The following FER variants were observed in gnomAD, a reference collection of about 807,000 sequenced individuals.
FER encodes the protein tyrosine-protein kinase Fer.
In FER, 63 loss-of-function variants were observed where a neutral mutation model predicts 111.0. That is an observed-to-expected ratio of 0.57 (90% CI 0.46 to 0.70). The LOEUF (loss-of-function observed/expected upper bound fraction) is 0.70, where lower values mean the gene tolerates loss of function less well. Among genes scored for constraint, FER ranks in the 30% least tolerant of loss-of-function variants. FER has a pLI of 0.00. For synonymous variants in FER, 327 were observed against 313.9 expected (o/e 1.04, Z -0.44); for missense variants, 914 against 954.0 (o/e 0.96, Z 0.55).
At chr5:109,063,094 C>T (rs1401754797) in intron 16 of FER, among the ~76,000 whole-genome samples, 1 of 150,322 alleles carries the variant, frequency 6.7e-6, no homozygotes, top group Non-Finnish European at 1.5e-5. Flanking sequence ...GAAATCTAGA[C>T]ATGATTATTT....
chr5:109,154,936 G>C (rs1227005255), intron 17 of FER, among the ~76,000 whole-genome samples: 1 of 151,808 alleles, frequency 6.6e-6, no homozygotes, highest in Non-Finnish European at 1.5e-5. Flanking sequence ...TATCTTTTAT[G>C]AGTCCTATAA....
At chr5:108,757,764 C>T (rs1239479465) in intron 1 of FER, among the ~76,000 whole-genome samples, 1 of 152,162 alleles carries the variant, frequency 6.6e-6, no homozygotes, top group Admixed American at 6.6e-5. Context: ...ATAGTTCTGA[C>T]AAATATCTTA....
chr5:109,049,845 T>C (rs1330221359), intron 16 of FER, among the ~76,000 whole-genome samples: 2 of 152,234 alleles, frequency 1.3e-5, no homozygotes, highest in Non-Finnish European at 2.9e-5. Flanking sequence ...CAGCATATAG[T>C]TCAAATAAAT....
At chr5:108,945,511 G>T (rs1033652000) in intron 10 of FER, among the ~76,000 whole-genome samples, 1 of 151,894 alleles carries the variant, frequency 6.6e-6, no homozygotes, top group Non-Finnish European at 1.5e-5. Context: ...ATCTGGATTT[G>T]GTAGGATTGG....
chr5:108,784,212 G>A (rs1754412152), intron 2 of FER: 1 of 153,258 alleles, frequency 6.5e-6, no homozygotes, highest in Non-Finnish European at 1.5e-5. Flanking sequence ...CAAGACAAGA[G>A]CATCATTACG....
intron 9 of FER, among the ~76,000 whole-genome samples, chr5:108,892,487 A>T (rs1185226431): frequency 2.6e-5 from 4 of 152,012 alleles, no homozygotes; most frequent in Non-Finnish European, 5.9e-5. Context: ...GTCTGTTCAT[A>T]TCCTTCACCC....
intron 9 of FER, among the ~76,000 whole-genome samples, chr5:108,896,782 A>T (rs756318681): frequency 1.3e-5 from 2 of 152,228 alleles, no homozygotes; most frequent in Admixed American, 1.3e-4. Context: ...ATTTAAGAAG[A>T]TAGTATTTTC....
intron 18 of FER, among the ~76,000 whole-genome samples, chr5:109,183,301 C>T (rs1005112021): frequency 4.6e-5 from 6 of 130,484 alleles, no homozygotes; most frequent in Non-Finnish European, 9.3e-5. Context: ...CAGGCTGGAG[C>T]GCAGCAGCGC....
Position 109,188,403 on chromosome 5 carries a change from A to ACAC in FER, c.*828_*829insCAC, listed in dbSNP as rs1562011110. ...TGTCTCTACCAAAAAAAAAAAAAGA[A>ACAC]ACACACACACAACGCATGAAACGTC... is the stretch of plus-strand genomic sequence containing the variant. On this transcript the variant is annotated 3_prime_UTR_variant, in exon 20 of 20. Coordinates refer to ENST00000281092, the MANE Select transcript of FER (RefSeq NM_005246.4). 2.2e-4 allele frequency: 33 copies of ACAC among 150,082 alleles called. No individual in the cohort carries two copies. Among genetic ancestry groups the ACAC allele is most frequent in the African/African-American group, 5.6e-4 (23 of 41,132 alleles). 9.3% of individuals were successfully genotyped at this position (150,082 alleles called of 1,614,324 possible). A position where few individuals can be genotyped will look rare whatever the true frequency, so the allele number is the denominator to read the frequency against.
intron 17 of FER, among the ~76,000 whole-genome samples, chr5:109,122,098 A>G (rs1582128537): frequency 6.6e-6 from 1 of 151,382 alleles, no homozygotes; most frequent in Non-Finnish European, 1.5e-5. Context: ...TTGACCATTA[A>G]TATTTCTTCT....
chr5:109,018,061 C>T (rs773440066), intron 13 of FER, among the ~76,000 whole-genome samples: 5 of 151,710 alleles, frequency 3.3e-5, no homozygotes, highest in Non-Finnish European at 7.4e-5. Flanking sequence ...CCTATTGTCT[C>T]CTGTCTGTTT....
At chr5:109,122,897 T>C (rs1177887509) in intron 17 of FER, among the ~76,000 whole-genome samples, 4 of 152,216 alleles carry the variant, frequency 2.6e-5, no homozygotes, top group Admixed American at 2.6e-4. Flanking sequence ...TGCTCGTTTT[T>C]GGTTTCTGTT....
intron 8 of FER, among the ~76,000 whole-genome samples, chr5:108,881,273 C>T (rs961221923): frequency 1.3e-5 from 2 of 152,152 alleles, no homozygotes; most frequent in African/African-American, 2.4e-5. Context: ...TTCCCCATAG[C>T]TTGGGAGGCC....
chr5:108,865,085 G>A (rs1276269642), intron 5 of FER, among the ~76,000 whole-genome samples: 34 of 146,772 alleles, frequency 2.3e-4, no homozygotes, highest in South Asian at 8.8e-4. Flanking sequence ...TCCCTTGTAA[G>A]TTGGATTCCT....
chr5:109,102,452 C>A (rs1384125530), intron 17 of FER, among the ~76,000 whole-genome samples: 1 of 152,078 alleles, frequency 6.6e-6, no homozygotes, highest in Non-Finnish European at 1.5e-5. Context: ...ATTCTAGGAA[C>A]AGCCATAAAG....
chr5:108,895,494 T>A (rs961241285), intron 9 of FER, among the ~76,000 whole-genome samples: 2 of 152,158 alleles, frequency 1.3e-5, no homozygotes, highest in African/African-American at 4.8e-5. Context: ...CCTTTTCCAG[T>A]TTTTAGAGGC....
chr5:109,125,899 C>T (rs1351428380), intron 17 of FER, among the ~76,000 whole-genome samples: 1 of 152,164 alleles, frequency 6.6e-6, no homozygotes, highest in African/African-American at 2.4e-5. Flanking sequence ...TTTCGGGACT[C>T]TTTGTTCTTC....
At chr5:109,060,365 CTT>C (rs148643070) in intron 16 of FER, among the ~76,000 whole-genome samples, 4,799 of 152,272 alleles carry the variant, frequency 0.032, 98 homozygotes, top group Middle Eastern at 0.1. Flanking sequence ...AGCTCAGTCT[CTT>C]TTAAGTTGTA....
chr5:109,188,473 G>C lies in FER; in HGVS notation c.*898G>C, dbSNP rs1054311574. 3 of 151,516 alleles carry C rather than the reference G, an allele frequency of 2.0e-5. No individual in the cohort carries two copies. The highest frequency in any genetic ancestry group is 7.3e-5 in the African/African-American group (3 of 41,284). 9.4% of individuals were successfully genotyped at this position (151,516 alleles called of 1,614,324 possible). A position where few individuals can be genotyped will look rare whatever the true frequency, so the allele number is the denominator to read the frequency against. Reference sequence around the variant, plus strand: ...CAGTTGCTTTTCAAGGATGTACAGAGAGCTGTGAAGCAAGAAACAGATTTG... The same window carrying C: ...CAGTTGCTTTTCAAGGATGTACAGACAGCTGTGAAGCAAGAAACAGATTTG... On this transcript the variant is annotated 3_prime_UTR_variant, in exon 20 of 20. Coordinates refer to ENST00000281092, the MANE Select transcript of FER (RefSeq NM_005246.4).
Sources: allele counts gnomAD v4.1 joint callset (sites outside exome capture counted in the v4.1 genomes callset), GRCh38; gene constraint gnomAD v4.1.1; transcripts MANE v1.5; gene names NCBI Gene and HGNC (gene_info 2026-07-23, HGNC 2026-07-21).